SLC5A4: variants seen among roughly 807,000 people sequenced by gnomAD.
SLC5A4 encodes the protein solute carrier family 5 member 4.
A neutral mutation model predicts 70.3 loss-of-function variants in SLC5A4; 55 were observed. The ratio of observed to expected loss-of-function variants is 0.78; its 90% CI spans 0.63 to 0.98. The LOEUF (loss-of-function observed/expected upper bound fraction) is 0.98. Ranked by LOEUF, SLC5A4 falls within the 50% of genes least tolerant of loss-of-function variation. The probability of loss-of-function intolerance (pLI) is 0.00; values close to 1 mark genes in which losing one functional copy is unlikely to be tolerated. For missense variants in SLC5A4, 735 were observed against 839.2 expected (o/e 0.88, Z 1.53); for synonymous variants, 268 against 305.7 (o/e 0.88, Z 1.29).
At chr22:32,274,100 C>T in the SLC5A4 span, among the ~76,000 whole-genome samples, 1 of 148,682 alleles carries the variant, frequency 6.7e-6, no homozygotes, top group Non-Finnish European at 1.5e-5. Flanking sequence ...AGTGCAGTGG[C>T]GTCATCTCGG....
chr22:32,304,450 C>T, the SLC5A4 span, among the ~76,000 whole-genome samples: 1 of 41,498 alleles, frequency 2.4e-5, no homozygotes, highest in Non-Finnish European at 5.6e-5. Context: ...CTTGTTTTTT[C>T]TTTTTCTTTT....
At chr22:32,233,643 A>G (rs1925889888) in intron 8 of SLC5A4, among the ~76,000 whole-genome samples, 1 of 152,092 alleles carries the variant, frequency 6.6e-6, no homozygotes, top group Non-Finnish European at 1.5e-5. Flanking sequence ...AATGAGTAAT[A>G]ATTAGCAAGA....
chr22:32,306,154 G>A, the SLC5A4 span, among the ~76,000 whole-genome samples: 6 of 152,258 alleles, frequency 3.9e-5, no homozygotes, highest in African/African-American at 1.4e-4. Context: ...TTAAAACCTA[G>A]GGACATTGTT....
chr22:32,255,467 A>C (rs113597353), upstream of SLC5A4: 8 of 860,692 alleles, frequency 9.3e-6, no homozygotes, highest in African/African-American at 8.3e-5. Flanking sequence ...CTCTTCTCCA[A>C]AGCTGTGGCA....
chr22:32,219,085 GAC>G (rs1304562441), intron 14 of SLC5A4, among the ~76,000 whole-genome samples: 1 of 152,118 alleles, frequency 6.6e-6, no homozygotes, highest in Non-Finnish European at 1.5e-5. Flanking sequence ...AAAGAAAAAA[GAC>G]ACATGGTTCT....
the SLC5A4 span, among the ~76,000 whole-genome samples, chr22:32,335,787 G>A: frequency 7.4e-4 from 104 of 140,114 alleles, no homozygotes; most frequent in African/African-American, 2.4e-3. Flanking sequence ...GGCTGAAGGG[G>A]TCAGGTGACA....
In SLC5A4 at chr22:32,229,338, C is replaced by T. The variant is rs142416109; in HGVS notation, c.1136G>A (p.Arg379Gln). 64 of 1,614,122 alleles carry T rather than the reference C, an allele frequency of 4.0e-5. No homozygotes were observed. Among genetic ancestry groups the T allele is most frequent in the Non-Finnish European group, 5.2e-5 (61 of 1,179,990 alleles). The change falls in exon 11 of 15, where the codon CGA (arginine) becomes CAA (glutamine). Residue 379 changes from arginine to glutamine, a missense_variant. By Grantham distance (43) the Arg-to-Gln change is conservative. Coordinates refer to ENST00000266086, the MANE Select transcript of SLC5A4 (RefSeq NM_014227.3). ...CAGCATGACCGAAAGCATCAGGCCT[C>T]GCAGTCCTGGAGCCGGGAAAGGGTA... ...MVLELMPQGLRGLMLSVMLAS... is the reference protein window; with the variant it reads ...MVLELMPQGLQGLMLSVMLAS...
the SLC5A4 span, among the ~76,000 whole-genome samples, chr22:32,306,153 A>G: frequency 6.6e-6 from 1 of 152,306 alleles, no homozygotes. Context: ...ATTAAAACCT[A>G]GGGACATTGT....
chr22:32,316,108 G>GA, the SLC5A4 span, among the ~76,000 whole-genome samples: 54,101 of 131,748 alleles, frequency 0.41, 11,093 homozygotes, highest in Admixed American at 0.51. Context: ...GACTCTGTCT[G>GA]AAAAAAAAAA....
the SLC5A4 span, among the ~76,000 whole-genome samples, chr22:32,285,745 TA>T: frequency 2.0e-5 from 3 of 151,468 alleles, no homozygotes; most frequent in Non-Finnish European, 2.9e-5. Flanking sequence ...TTTTTATTTT[TA>T]TTTTTTTTGA....
At chr22:32,293,288 T>C in the SLC5A4 span, among the ~76,000 whole-genome samples, 15 of 152,306 alleles carry the variant, frequency 9.8e-5, no homozygotes, top group Non-Finnish European at 1.0e-4. Context: ...TTTGATGTAA[T>C]TACTAAAATA....
the SLC5A4 span, among the ~76,000 whole-genome samples, chr22:32,279,198 C>G: frequency 6.6e-6 from 1 of 152,216 alleles, no homozygotes; most frequent in Admixed American, 6.5e-5. Context: ...ATGGCGTGAA[C>G]CCGGGAGGCG....
intron 3 of SLC5A4, among the ~76,000 whole-genome samples, chr22:32,249,923 T>C (rs1234356399): frequency 6.6e-6 from 1 of 152,070 alleles, no homozygotes; most frequent in African/African-American, 2.4e-5. Context: ...TTTTTTTAGG[T>C]CATCAGCTAT....
the SLC5A4 span, among the ~76,000 whole-genome samples, chr22:32,315,815 AG>A: frequency 3.3e-3 from 142 of 43,484 alleles, 2 homozygotes; most frequent in East Asian, 9.5e-3. Context: ...AAAAAAAAAA[AG>A]AGACTGGATC....
the SLC5A4 span, among the ~76,000 whole-genome samples, chr22:32,331,108 CTT>C: frequency 2.7e-5 from 1 of 37,418 alleles, no homozygotes; most frequent in Non-Finnish European, 5.0e-5. Flanking sequence ...GTTGGAGGCT[CTT>C]GTGTGTGTTC....
At chr22:32,302,677 T>G in the SLC5A4 span, among the ~76,000 whole-genome samples, 2 of 152,236 alleles carry the variant, frequency 1.3e-5, no homozygotes, top group African/African-American at 2.4e-5. Flanking sequence ...TCCATTCATC[T>G]GTGTGTCTGT....
chr22:32,294,422 C>A, the SLC5A4 span, among the ~76,000 whole-genome samples: 1 of 152,060 alleles, frequency 6.6e-6, no homozygotes, highest in Non-Finnish European at 1.5e-5. Flanking sequence ...ACTTGGTTTC[C>A]TTCAGCTGCA....
the SLC5A4 span, among the ~76,000 whole-genome samples, chr22:32,264,783 C>A: frequency 6.6e-6 from 1 of 152,146 alleles, no homozygotes. Flanking sequence ...GATAGCTGTT[C>A]CACACTTTTT....
upstream of SLC5A4, among the ~76,000 whole-genome samples, chr22:32,256,078 A>G (rs906309799): frequency 6.6e-6 from 1 of 152,194 alleles, no homozygotes; most frequent in African/African-American, 2.4e-5. Flanking sequence ...GCACTTTGGG[A>G]GGCCAAGGAG....
Sources: allele counts gnomAD v4.1 joint callset (sites outside exome capture counted in the v4.1 genomes callset), GRCh38; gene constraint gnomAD v4.1.1; transcripts MANE v1.5; gene names NCBI Gene and HGNC (gene_info 2026-07-23, HGNC 2026-07-21).